The following SORT1 variants were observed in gnomAD, a reference collection of about 807,000 sequenced individuals.
The protein encoded by SORT1 is sortilin 1.
In SORT1, 39 loss-of-function variants were observed where a neutral mutation model predicts 101.7. The observed-to-expected ratio is 0.38, with a 90% CI of 0.30 to 0.50. The LOEUF is 0.50. Among genes scored for constraint, SORT1 ranks in the 20% least tolerant of loss-of-function variants. The probability of loss-of-function intolerance (pLI) is 0.90; values close to 1 mark genes in which losing one functional copy is unlikely to be tolerated. For missense variants in SORT1, 878 were observed against 1,040.4 expected (o/e 0.84, Z 2.15); for synonymous variants, 396 against 393.7 (o/e 1.01, Z -0.07).
In SORT1 at chr1:109,325,017, T is replaced by A. The variant is rs769724550; in HGVS notation, c.1716A>T (p.Leu572=). 6.2e-7 allele frequency: 1 copy of A among 1,613,960 alleles called. No individual in the cohort carries two copies. The highest frequency in any genetic ancestry group is 1.1e-5 in the South Asian group (1 of 91,074). The change falls in exon 14 of 20, where the codon CTA becomes CTT. Residue 572 remains leucine (L), a synonymous_variant. Transcript: ENST00000256637. ...TGGACCTAGCTCCAGGTTCTGAAGC[T>A]AGGCCAGTGAAATAGATGGGGTCCC... ...FTRDPIYFTG[L]ASEPGARSMN... is the part of the protein sequence containing the mutation.
At chr1:109,334,263 C>T (rs7550401) in intron 11 of SORT1, among the ~76,000 whole-genome samples, 28,960 of 152,134 alleles carry the variant, frequency 0.19, 2,913 homozygotes, top group Middle Eastern at 0.23. Flanking sequence ...CCCATGTCCA[C>T]TGCAGTATTA....
intron 6 of SORT1, 56 bp downstream of exon 6, chr1:109,350,873 C>T (rs1649912199): frequency 1.8e-6 from 2 of 1,125,246 alleles, no homozygotes; most frequent in Non-Finnish European, 2.7e-6. Context: ...TGATTTTTGG[C>T]AGCGCTATCA....
Position 109,340,229 on chromosome 1 carries a change from A to G in SORT1, c.1264+495T>C, listed in dbSNP as rs561959380. On this transcript the variant is annotated intron_variant, in intron 10 of 19. Coordinates refer to ENST00000256637, the MANE Select transcript of SORT1 (RefSeq NM_002959.7). ...GAATATATTCTAGTCTTAAAAAGCA[A>G]TAAGTGAAATTCTAAAACATGCTGC... is the stretch of plus-strand genomic sequence containing the variant. 6.6e-5 allele frequency among the ~76,000 whole-genome samples: 10 copies of G among 152,300 alleles called. No individual in the cohort carries two copies. The South Asian group carries it at 1.7e-3, about 25-fold the overall frequency.
In SORT1 at chr1:109,354,736, A is replaced by G. The variant is rs571031537; in HGVS notation, c.544-205T>C. 8.7e-4 allele frequency among the ~76,000 whole-genome samples: 132 copies of G among 152,316 alleles called. 1 individual carries two copies. The highest frequency in any genetic ancestry group is 3.4e-3 in the Middle Eastern group (1 of 294). ...ACACCCTGAACTGAGCTGGGACATCATATCTGTGGGTTTAAGCCTAGATTA... is the reference window on the plus strand; with the variant it reads ...ACACCCTGAACTGAGCTGGGACATCGTATCTGTGGGTTTAAGCCTAGATTA... On this transcript the variant is annotated intron_variant, in intron 4 of 19. Transcript: ENST00000256637.
chr1:109,341,825 A>C (rs1224046624), intron 9 of SORT1, among the ~76,000 whole-genome samples, 189 bp downstream of exon 9: 1 of 152,192 alleles, frequency 6.6e-6, no homozygotes, highest in Non-Finnish European at 1.5e-5. Context: ...AGAACACCTG[A>C]ACATACACAC....
At chr1:109,382,254 G>C (rs1238097807) in intron 1 of SORT1, among the ~76,000 whole-genome samples, 1 of 152,118 alleles carries the variant, frequency 6.6e-6, no homozygotes, top group East Asian at 1.9e-4. Flanking sequence ...TCATGCCTCA[G>C]CCTTCCCAGT....
intron 14 of SORT1, among the ~76,000 whole-genome samples, chr1:109,324,322 G>C (rs962718580): frequency 1.3e-5 from 2 of 152,128 alleles, no homozygotes; most frequent in African/African-American, 4.8e-5. Flanking sequence ...ATTTTTAGTA[G>C]AGATGGAGTT....
At chr1:109,351,768 T>G (rs1369204153) in intron 5 of SORT1, among the ~76,000 whole-genome samples, 1 of 152,174 alleles carries the variant, frequency 6.6e-6, no homozygotes, top group Non-Finnish European at 1.5e-5. Flanking sequence ...GGTGGAGTAC[T>G]TGGACGTGAA....
chr1:109,354,125 C>T lies in SORT1; in HGVS notation c.708+242G>A, dbSNP rs924368549. Among the ~76,000 whole-genome samples, 6 of 152,138 alleles carry T rather than the reference C, an allele frequency of 3.9e-5. No individual in the cohort carries two copies. In the South Asian group the frequency reaches 1.0e-3, roughly 26 times the overall value. On this transcript the variant is annotated intron_variant, in intron 5 of 19. Transcript: ENST00000256637. ...TCTAGTTCATTACTCCAATACCATA[C>T]ATTTAGTCACTTAAAAAAATTACAG...
At chr1:109,316,804 C>T (rs998942043) in intron 17 of SORT1, 46 bp downstream of exon 17, 1 of 1,230,106 alleles carries the variant, frequency 8.1e-7, no homozygotes, top group South Asian at 1.3e-5. Context: ...CTTAGCAGAA[C>T]ACAAAATCCC....
chr1:109,326,510 C>CATAT (rs34942536), intron 13 of SORT1, among the ~76,000 whole-genome samples: 89,355 of 132,420 alleles, frequency 0.67, 31,428 homozygotes, highest in East Asian at 0.94. Context: ...TATATACACA[C>CATAT]ATACACATAT....
chr1:109,380,813 C>CAAAAAAA lies in SORT1; in HGVS notation c.307-11231_307-11225dup, dbSNP rs60568166. On this transcript the variant is annotated intron_variant, in intron 1 of 19. Coordinates refer to ENST00000256637, the MANE Select transcript of SORT1 (RefSeq NM_002959.7). ...GCAACATGGCAAAACCCTGTCGCCA[C>CAAAAAAA]AAAAAAAAAAAAAAAAAAAAAAAAA... Among the ~76,000 whole-genome samples, 64 of 49,220 alleles carry CAAAAAAA rather than the reference C, an allele frequency of 1.3e-3. 8 individuals carry two copies. The highest frequency in any genetic ancestry group is 5.4e-3 in the African/African-American group (57 of 10,468). 32.3% of individuals were successfully genotyped at this position (49,220 alleles called of 152,430 possible).
intron 11 of SORT1, among the ~76,000 whole-genome samples, chr1:109,335,283 C>A (rs1557791047): frequency 6.6e-6 from 1 of 152,176 alleles, no homozygotes; most frequent in South Asian, 2.1e-4. Flanking sequence ...CAGGGAGAGG[C>A]ATGGGGAGCC....
chr1:109,378,169 C>A (rs533265463), intron 1 of SORT1, among the ~76,000 whole-genome samples: 6 of 151,866 alleles, frequency 4.0e-5, no homozygotes, highest in Non-Finnish European at 8.8e-5. Flanking sequence ...CCCAGGAATT[C>A]GAAGCTGCAG....
At chr1:109,375,908 C>T (rs1484048143) in intron 1 of SORT1, among the ~76,000 whole-genome samples, 1 of 152,064 alleles carries the variant, frequency 6.6e-6, no homozygotes, top group Admixed American at 6.6e-5. Context: ...CCATCTCATA[C>T]TAGAAAGAAT....
At position 109,397,865 on chromosome 1, in the gene SORT1, C is replaced by A. The variant is rs976229790; in HGVS notation, c.28G>T (p.Gly10Cys). Residue 10 changes from glycine (G) to cysteine (C), a missense_variant, in exon 1 of 20, where the codon GGC becomes TGC. Gly to Cys is a radical substitution (Grantham distance 159). Coordinates refer to ENST00000256637, the MANE Select transcript of SORT1 (RefSeq NM_002959.7). Reference sequence around the variant, plus strand: ...AGGCCATGGGGCCAGCGCGAGAGGCCGTCCGCAGCTCCCCAGGGCCGCTCC... The same window carrying A: ...AGGCCATGGGGCCAGCGCGAGAGGCAGTCCGCAGCTCCCCAGGGCCGCTCC... The part of the protein sequence containing the change: MERPWGAAD[G>C]LSRWPHGLGL... 1.3e-4 allele frequency: 162 copies of A among 1,274,144 alleles called. No homozygotes were observed. Among genetic ancestry groups the A allele is most frequent in the Non-Finnish European group, 1.5e-4 (153 of 1,000,090 alleles). The allele number at this position is 1,274,144 out of a possible 1,614,324, so 78.9% of individuals were successfully genotyped here.
intron 1 of SORT1, among the ~76,000 whole-genome samples, chr1:109,390,773 G>A (rs944906695): frequency 3.8e-5 from 5 of 132,086 alleles, no homozygotes; most frequent in African/African-American, 1.3e-4. Flanking sequence ...GTGTGTGTAT[G>A]TGTGTGTGTG....
chr1:109,369,422 A>T (rs1651332289), intron 2 of SORT1, 108 bp downstream of exon 2: 1 of 728,738 alleles, frequency 1.4e-6, no homozygotes, highest in Non-Finnish European at 2.5e-6. Context: ...TCTGTGATTG[A>T]GGCTAAAGAC....
At chr1:109,378,245 A>C (rs1651984240) in intron 1 of SORT1, among the ~76,000 whole-genome samples, 1 of 152,182 alleles carries the variant, frequency 6.6e-6, no homozygotes, top group Non-Finnish European at 1.5e-5. Context: ...TATATTTAAA[A>C]GAATAATAAT....
Sources: allele counts gnomAD v4.1 joint callset (sites outside exome capture counted in the v4.1 genomes callset), GRCh38; gene constraint gnomAD v4.1.1; transcripts MANE v1.5; gene names NCBI Gene and HGNC (gene_info 2026-07-23, HGNC 2026-07-21).